PRR11: variants seen among roughly 807,000 people sequenced by gnomAD.
PRR11 encodes proline rich 11.
A neutral mutation model predicts 45.6 loss-of-function variants in PRR11; 30 were observed. That is an observed-to-expected ratio of 0.66 (90% CI 0.49 to 0.89). The LOEUF is 0.89. Ranked by LOEUF, PRR11 falls within the 40% of genes least tolerant of loss-of-function variation. PRR11 has a pLI of 0.00. For synonymous variants in PRR11, 128 were observed against 153.5 expected (o/e 0.83, Z 1.23); for missense variants, 373 against 424.8 (o/e 0.88, Z 1.07).
At chr17:59,173,596 G>A (rs969305843) in intron 2 of PRR11, among the ~76,000 whole-genome samples, 2 of 152,144 alleles carry the variant, frequency 1.3e-5, no homozygotes, top group South Asian at 2.1e-4. Flanking sequence ...GCAAGACCAC[G>A]AACCCGCCAG....
In PRR11 at chr17:59,159,843, C is replaced by T. The variant is rs570689033; in HGVS notation, c.-6+4038C>T. On this transcript the variant is annotated intron_variant, in intron 1 of 9. Transcript: ENST00000262293. ...GCTTAGGCAAAACCTTTTCCAAAAA[C>T]CTCAACCCTTATGGGAGAATTATGT... is the stretch of plus-strand genomic sequence containing the variant. 1.3e-3 allele frequency among the ~76,000 whole-genome samples: 198 copies of T among 152,268 alleles called. 1 individual carries two copies. In the Middle Eastern group the frequency reaches 0.024, roughly 18 times the overall value.
At chr17:59,174,121 A>G (rs552476002) in intron 2 of PRR11, among the ~76,000 whole-genome samples, 27 of 152,272 alleles carry the variant, frequency 1.8e-4, no homozygotes, top group Middle Eastern at 3.4e-3. Flanking sequence ...TCCAAAACTC[A>G]CTCAATATAC....
At chr17:59,181,435 A>G in intron 2 of PRR11, 3 of 968,184 alleles carry the variant, frequency 3.1e-6, no homozygotes, top group East Asian at 3.7e-5. Flanking sequence ...TTCCCATTGG[A>G]AAAGTGTGGT....
intron 9 of PRR11, among the ~76,000 whole-genome samples, chr17:59,200,816 A>C (rs1024854199): frequency 3.9e-5 from 6 of 151,952 alleles, no homozygotes; most frequent in African/African-American, 1.2e-4. Flanking sequence ...TTATAGACGA[A>C]GTCTCACTAT....
At chr17:59,183,618 A>G (rs1168656961) in intron 2 of PRR11, among the ~76,000 whole-genome samples, 1 of 152,164 alleles carries the variant, frequency 6.6e-6, no homozygotes, top group Non-Finnish European at 1.5e-5. Context: ...GAGCTCACTC[A>G]TATTTCCAAT....
chr17:59,180,135 T>TG (rs2046773595), intron 2 of PRR11, among the ~76,000 whole-genome samples: 12 of 146,618 alleles, frequency 8.2e-5, no homozygotes, highest in African/African-American at 3.1e-4. Flanking sequence ...TCCTTTTTTT[T>TG]TTTTTTTTTT....
At chr17:59,190,302 C>G (rs920125561) in intron 4 of PRR11, among the ~76,000 whole-genome samples, 13 of 151,786 alleles carry the variant, frequency 8.6e-5, no homozygotes, top group Admixed American at 3.3e-4. Flanking sequence ...AAACCCCGTC[C>G]CTACTAAAAA....
In PRR11 at chr17:59,195,517, A is replaced by G. The variant is rs1381805887; in HGVS notation, c.857+74A>G. On this transcript the variant is annotated intron_variant, in intron 7 of 9. Coordinates refer to ENST00000262293, the MANE Select transcript of PRR11 (RefSeq NM_018304.4). ...ATTGTTGTACAAAGGCCTAAAGAAA[A>G]GGAAAAAAAGATTTTTTGTGTGTAT... The G allele has an allele frequency of 9.3e-6, 9 of 971,964 alleles. No individual in the cohort carries two copies. In the African/African-American group the frequency reaches 1.5e-4, roughly 16 times the overall value. 60.2% of individuals were successfully genotyped at this position (971,964 alleles called of 1,614,324 possible). A position where few individuals can be genotyped will look rare whatever the true frequency, so the allele number is the denominator to read the frequency against.
At chr17:59,189,963 G>A (rs2046833518) in intron 4 of PRR11, among the ~76,000 whole-genome samples, 2 of 151,778 alleles carry the variant, frequency 1.3e-5, no homozygotes, top group South Asian at 4.1e-4. Flanking sequence ...AACATAGTGA[G>A]ACCCTGTCTC....
At chr17:59,190,625 C>A (rs1295065290) in intron 4 of PRR11, among the ~76,000 whole-genome samples, 1 of 152,216 alleles carries the variant, frequency 6.6e-6, no homozygotes, top group East Asian at 1.9e-4. Flanking sequence ...CCCATAAAAC[C>A]AGTAAGTCTA....
At chr17:59,184,536 T>C (rs1340750228) in intron 2 of PRR11, among the ~76,000 whole-genome samples, 3 of 152,152 alleles carry the variant, frequency 2.0e-5, no homozygotes, top group Non-Finnish European at 4.4e-5. Context: ...CCTAGGAGTC[T>C]CTTGCTCATG....
intron 2 of PRR11, among the ~76,000 whole-genome samples, chr17:59,170,364 G>T (rs2046701691): frequency 6.6e-6 from 1 of 151,688 alleles, no homozygotes; most frequent in African/African-American, 2.4e-5. Flanking sequence ...CTAAAATTAT[G>T]CATGCTTTAT....
At chr17:59,182,026 G>T (rs1277419741) in intron 2 of PRR11, among the ~76,000 whole-genome samples, 3 of 138,720 alleles carry the variant, frequency 2.2e-5, no homozygotes, top group Admixed American at 1.4e-4. Context: ...TTTGTTATTG[G>T]TTTTTTTTTT....
intron 7 of PRR11, among the ~76,000 whole-genome samples, chr17:59,196,436 A>G (rs1030995868): frequency 6.6e-6 from 1 of 151,936 alleles, no homozygotes; most frequent in Non-Finnish European, 1.5e-5. Flanking sequence ...GAGTGCAGTG[A>G]TGCAATATCG....
At chr17:59,201,518 C>G in intron 9 of PRR11, 45 bp from the exon 10 acceptor site, 1 of 1,573,342 alleles carries the variant, frequency 6.4e-7, no homozygotes, top group Non-Finnish European at 8.7e-7. Context: ...GTACTTATCA[C>G]AGGAATATAA....
intron 1 of PRR11, among the ~76,000 whole-genome samples, chr17:59,161,280 G>A (rs1183324084): frequency 6.6e-6 from 1 of 151,888 alleles, no homozygotes; most frequent in Non-Finnish European, 1.5e-5. Flanking sequence ...GGTAGTGTGT[G>A]CCTGTAGTCC....
At chr17:59,180,519 G>GTTTTTTTTTTTTTTTTTT (rs71300619) in intron 2 of PRR11, among the ~76,000 whole-genome samples, 37 of 122,936 alleles carry the variant, frequency 3.0e-4, no homozygotes, top group South Asian at 1.3e-3. Flanking sequence ...TGTTTTTTTT[G>GTTTTTTTTTTTTTTTTTT]TTTTTTTTGC....
chr17:59,157,130 AATAT>A (rs1351576332), intron 1 of PRR11, among the ~76,000 whole-genome samples: 1 of 152,230 alleles, frequency 6.6e-6, no homozygotes, highest in Non-Finnish European at 1.5e-5. Flanking sequence ...ACAATATTAG[AATAT>A]ATTCCTTAAC....
chr17:59,181,903 C>T, intron 2 of PRR11: 1 of 1,234,424 alleles, frequency 8.1e-7, no homozygotes, highest in Non-Finnish European at 1.1e-6. Flanking sequence ...TCTGCTCAAC[C>T]CCATGAGCCG....
Sources: allele counts gnomAD v4.1 joint callset (sites outside exome capture counted in the v4.1 genomes callset), GRCh38; gene constraint gnomAD v4.1.1; transcripts MANE v1.5; gene names NCBI Gene and HGNC (gene_info 2026-07-23, HGNC 2026-07-21).